TMCO5A: variants seen among roughly 807,000 people sequenced by gnomAD.
TMCO5A encodes the protein transmembrane and coiled-coil domains 5A.
A neutral mutation model predicts 42.3 loss-of-function variants in TMCO5A; 34 were observed. The observed-to-expected ratio is 0.80, with a 90% CI of 0.61 to 1.07. The LOEUF is 1.07. TMCO5A is among the 50% of genes least tolerant of loss of function. TMCO5A has a pLI of 0.00. For missense variants in TMCO5A, 357 were observed against 327.9 expected (o/e 1.09, Z -0.69); for synonymous variants, 131 against 115.6 (o/e 1.13, Z -0.86).
chr15:38,010,727 G>A, the TMCO5A span, among the ~76,000 whole-genome samples: 1 of 151,956 alleles, frequency 6.6e-6, no homozygotes, highest in Non-Finnish European at 1.5e-5. Context: ...CCGGTGTAAC[G>A]ATACTCTTTA....
intron 11 of TMCO5A, among the ~76,000 whole-genome samples, chr15:37,964,063 G>A (rs1042515926): frequency 6.6e-6 from 1 of 152,070 alleles, no homozygotes; most frequent in African/African-American, 2.4e-5. Flanking sequence ...TTTGGGGGGT[G>A]TTAAAGAGCC....
chr15:37,966,834 C>T, exon 12 of TMCO5A: 1 of 625,388 alleles, frequency 1.6e-6, no homozygotes, highest in Non-Finnish European at 2.9e-6. Flanking sequence ...ATTGGTCAAG[C>T]TTATGTCATA....
chr15:37,985,150 A>G, the TMCO5A span, among the ~76,000 whole-genome samples: 1 of 151,940 alleles, frequency 6.6e-6, no homozygotes, highest in Non-Finnish European at 1.5e-5. Flanking sequence ...CATCTAGATT[A>G]TAGAAGATTC....
the TMCO5A span, among the ~76,000 whole-genome samples, chr15:38,021,061 A>G: frequency 1.3e-5 from 2 of 152,204 alleles, no homozygotes; most frequent in Non-Finnish European, 2.9e-5. Context: ...GTATTAGTAA[A>G]CAAAAAACAA....
chr15:38,003,366 C>T, the TMCO5A span, among the ~76,000 whole-genome samples: 4 of 152,172 alleles, frequency 2.6e-5, no homozygotes, highest in South Asian at 8.3e-4. Context: ...TGGGGTCTCA[C>T]TCAAGGCCCG....
the TMCO5A span, among the ~76,000 whole-genome samples, chr15:37,987,118 T>G: frequency 6.6e-6 from 1 of 152,056 alleles, no homozygotes; most frequent in Non-Finnish European, 1.5e-5. Context: ...TAAGGTGATA[T>G]CTCACCATGT....
chr15:38,026,706 G>A, the TMCO5A span, among the ~76,000 whole-genome samples: 1 of 152,220 alleles, frequency 6.6e-6, no homozygotes, highest in African/African-American at 2.4e-5. Flanking sequence ...TGCCATCACA[G>A]GCCTGGAGGC....
chr15:38,029,842 A>G, the TMCO5A span, among the ~76,000 whole-genome samples: 1 of 152,178 alleles, frequency 6.6e-6, no homozygotes, highest in Admixed American at 6.5e-5. Context: ...ACTGGCACGC[A>G]CTTATAAACA....
intron 11 of TMCO5A, among the ~76,000 whole-genome samples, chr15:37,963,652 T>A (rs1361708018): frequency 6.6e-6 from 1 of 152,162 alleles, no homozygotes; most frequent in Non-Finnish European, 1.5e-5. Flanking sequence ...AGTGGAGTAT[T>A]GAAGTCCCCC....
chr15:37,961,945 C>G (rs1296040960), intron 11 of TMCO5A, among the ~76,000 whole-genome samples: 1 of 152,004 alleles, frequency 6.6e-6, no homozygotes, highest in African/African-American at 2.4e-5. Context: ...CTGGAGGAGT[C>G]TTTAGGGTTT....
chr15:38,009,542 G>T, the TMCO5A span, among the ~76,000 whole-genome samples: 3 of 152,088 alleles, frequency 2.0e-5, no homozygotes, highest in Non-Finnish European at 4.4e-5. Flanking sequence ...TTTCAATTTG[G>T]GAACTCTAAA....
At chr15:38,013,877 G>A in the TMCO5A span, among the ~76,000 whole-genome samples, 1 of 151,998 alleles carries the variant, frequency 6.6e-6, no homozygotes, top group Non-Finnish European at 1.5e-5. Flanking sequence ...GGGTCTGCTG[G>A]GCTGCATTCC....
chr15:37,936,426 CT>C lies in TMCO5A; in HGVS notation c.105del (p.Leu36SerfsTer64). On this transcript the variant is annotated frameshift_variant, in exon 3 of 12. Coordinates refer to ENST00000319669, the MANE Select transcript of TMCO5A (RefSeq NM_152453.4). LOFTEE classifies it high-confidence loss of function. ...QRIDEANQKL[L>X]LKIQEREDKI... ...AATAGATGAAGCAAATCAGAAACTT[CT>C]TCTCAAAATCCAAGAGAGGGAAGAT... 1 of 1,612,990 alleles carries C rather than the reference CT, an allele frequency of 6.2e-7. No homozygotes were observed. Among genetic ancestry groups the C allele is most frequent in the East Asian group, 2.2e-5 (1 of 44,796 alleles).
downstream of TMCO5A, among the ~76,000 whole-genome samples, chr15:37,968,278 T>C (rs1253542058): frequency 6.6e-6 from 1 of 152,182 alleles, no homozygotes; most frequent in Non-Finnish European, 1.5e-5. Flanking sequence ...TTCTCCAGGA[T>C]GCCCTTCAGG....
chr15:37,938,286 G>T, intron 6 of TMCO5A, 57 bp downstream of exon 6: 1 of 1,416,980 alleles, frequency 7.1e-7, no homozygotes, highest in Non-Finnish European at 9.7e-7. Context: ...GAAACAAGCT[G>T]TTAAGTTGGA....
chr15:37,968,478 A>T (rs1455972722), downstream of TMCO5A, among the ~76,000 whole-genome samples: 1 of 152,184 alleles, frequency 6.6e-6, no homozygotes, highest in Non-Finnish European at 1.5e-5. Flanking sequence ...ACAGTTCACT[A>T]AAAGCCAGTG....
At chr15:37,995,919 G>A in the TMCO5A span, among the ~76,000 whole-genome samples, 34 of 151,244 alleles carry the variant, frequency 2.2e-4, no homozygotes, top group African/African-American at 7.3e-4. Context: ...CAAAAAAATC[G>A]CCCTTCTCAG....
the TMCO5A span, among the ~76,000 whole-genome samples, chr15:37,993,995 C>G: frequency 6.6e-6 from 1 of 152,198 alleles, no homozygotes; most frequent in Non-Finnish European, 1.5e-5. Context: ...AAGACAGATT[C>G]CTGGTGCTTC....
At chr15:37,975,089 A>G in the TMCO5A span, among the ~76,000 whole-genome samples, 4 of 152,130 alleles carry the variant, frequency 2.6e-5, no homozygotes, top group Non-Finnish European at 5.9e-5. Context: ...TTTTTATTGT[A>G]CTGTGATCCA....
Sources: allele counts gnomAD v4.1 joint callset (sites outside exome capture counted in the v4.1 genomes callset), GRCh38; gene constraint gnomAD v4.1.1; transcripts MANE v1.5; gene names NCBI Gene and HGNC (gene_info 2026-07-23, HGNC 2026-07-21).